Variants in PHACTR4 observed in about 807,000 individuals in gnomAD.
The protein encoded by PHACTR4 is phosphatase and actin regulator 4.
In PHACTR4, 51 loss-of-function variants were observed where a neutral mutation model predicts 72.7. That is an observed-to-expected ratio of 0.70 (90% confidence interval 0.56 to 0.89). The LOEUF (loss-of-function observed/expected upper bound fraction) is 0.89, where lower values mean the gene tolerates loss of function less well. Among genes scored for constraint, PHACTR4 ranks in the 40% least tolerant of loss-of-function variants. The pLI is 0.00. For synonymous variants in PHACTR4, 255 were observed against 302.5 expected (o/e 0.84, Z 1.63); for missense variants, 731 against 861.8 (o/e 0.85, Z 1.90).
intron 13 of PHACTR4, among the ~76,000 whole-genome samples, chr1:28,496,050 CTTTTTTT>C (rs59019895): frequency 5.6e-5 from 5 of 88,764 alleles, no homozygotes; most frequent in Non-Finnish European, 8.6e-5. Context: ...GAGAAGAGTT[CTTTTTTT>C]TTTTTTTTTT....
chr1:28,461,852 T>C (rs966656739), intron 4 of PHACTR4, among the ~76,000 whole-genome samples: 5 of 148,244 alleles, frequency 3.4e-5, no homozygotes, highest in African/African-American at 5.2e-5. Context: ...TTTCTTTCTT[T>C]CTTTTTTTTT....
chr1:28,388,328 A>C (rs1035902255), intron 1 of PHACTR4, among the ~76,000 whole-genome samples: 9 of 152,250 alleles, frequency 5.9e-5, no homozygotes, highest in African/African-American at 2.2e-4. Context: ...AATATGCGAC[A>C]AAACTGAAGT....
intron 2 of PHACTR4, among the ~76,000 whole-genome samples, chr1:28,446,494 G>A (rs1389648081): frequency 6.6e-6 from 1 of 152,092 alleles, no homozygotes; most frequent in African/African-American, 2.4e-5. Context: ...TTAAAAGTGT[G>A]TGGAGGCTGG....
At chr1:28,454,968 T>C (rs1278735423) in intron 2 of PHACTR4, among the ~76,000 whole-genome samples, 6 of 151,988 alleles carry the variant, frequency 3.9e-5, no homozygotes, top group African/African-American at 1.2e-4. Flanking sequence ...CAAGCCATTC[T>C]CCTGCCTCAG....
chr1:28,478,686 C>T (rs1182642887), intron 8 of PHACTR4, among the ~76,000 whole-genome samples: 1 of 152,028 alleles, frequency 6.6e-6, no homozygotes, highest in Non-Finnish European at 1.5e-5. Context: ...GATCTCTTGA[C>T]CTCATGATCC....
At chr1:28,407,944 C>T (rs1222638551) in intron 2 of PHACTR4, among the ~76,000 whole-genome samples, 1 of 151,940 alleles carries the variant, frequency 6.6e-6, no homozygotes, top group Non-Finnish European at 1.5e-5. Context: ...CATGACAAAA[C>T]CCCGTCTCTA....
chr1:28,403,577 G>T (rs547790896), intron 1 of PHACTR4, among the ~76,000 whole-genome samples: 1 of 152,254 alleles, frequency 6.6e-6, no homozygotes, highest in South Asian at 2.1e-4. Flanking sequence ...GTATTTTTGA[G>T]ATATAATTCA....
At chr1:28,401,319 TTG>T (rs1491559328) in intron 1 of PHACTR4, among the ~76,000 whole-genome samples, 7,888 of 140,902 alleles carry the variant, frequency 0.056, 240 homozygotes, top group African/African-American at 0.17. Flanking sequence ...TTTTTTTTTT[TTG>T]GGGGGGATGG....
chr1:28,454,476 C>A (rs1658225274), intron 2 of PHACTR4, among the ~76,000 whole-genome samples: 1 of 151,700 alleles, frequency 6.6e-6, no homozygotes, highest in South Asian at 2.1e-4. Context: ...TGGGGTTTCA[C>A]CATGGTCTCG....
intron 12 of PHACTR4, among the ~76,000 whole-genome samples, chr1:28,492,308 G>A (rs1370245782): frequency 6.6e-6 from 1 of 151,290 alleles, no homozygotes; most frequent in East Asian, 2.0e-4. Flanking sequence ...GTGATGGCAT[G>A]CACCTGTAAT....
intron 1 of PHACTR4, among the ~76,000 whole-genome samples, chr1:28,375,789 G>A (rs920020690): frequency 3.9e-5 from 6 of 152,176 alleles, no homozygotes; most frequent in Admixed American, 2.6e-4. Context: ...TTCACAATCG[G>A]CCAGGCGCGG....
chr1:28,440,999 A>T (rs1304208628), intron 2 of PHACTR4, among the ~76,000 whole-genome samples: 1 of 152,154 alleles, frequency 6.6e-6, no homozygotes, highest in Non-Finnish European at 1.5e-5. Flanking sequence ...ATAGTACTAG[A>T]TTTAGCAAGT....
At chr1:28,450,784 C>T (rs1441487469) in intron 2 of PHACTR4, among the ~76,000 whole-genome samples, 1 of 150,224 alleles carries the variant, frequency 6.7e-6, no homozygotes, top group Non-Finnish European at 1.5e-5. Context: ...CACGCCCAGC[C>T]AATTGTTGTG....
chr1:28,392,876 A>T (rs927781472), intron 1 of PHACTR4, among the ~76,000 whole-genome samples: 6 of 152,204 alleles, frequency 3.9e-5, no homozygotes, highest in African/African-American at 1.4e-4. Flanking sequence ...GTGAAGACGA[A>T]AAAAGAAAAT....
rs184053940 is a variant in PHACTR4, at chr1:28,486,254, G to T, written c.1761-2916G>T. Among the ~76,000 whole-genome samples the T allele has an allele frequency of 1.1e-4, 17 of 152,148 alleles. No individual in the cohort carries two copies. The East Asian group carries it at 3.3e-3, about 30-fold the overall frequency. On this transcript the variant is annotated intron_variant, in intron 9 of 13. Coordinates refer to ENST00000373839, the MANE Select transcript of PHACTR4 (RefSeq NM_001048183.3). The stretch of plus-strand genomic sequence containing the variant: ...GCCTGTAATCCCAGCTACTTGGGAG[G>T]CTGAGGCAGGAGAATCACTTGAACC...
chr1:28,474,088 C>T lies in PHACTR4; in HGVS notation c.1358C>T (p.Ser453Phe), dbSNP rs1659761814. 6.2e-7 allele frequency: 1 copy of T among 1,614,052 alleles called. No homozygotes were observed. Among genetic ancestry groups the T allele is most frequent in the African/African-American group, 1.3e-5 (1 of 74,918 alleles). The change falls in exon 7 of 14, where the codon TCT becomes TTT. Residue 453 changes from serine (S) to phenylalanine (F), a missense_variant. Around this residue, in one of 2 missense-constraint regions of PHACTR4, gnomAD observed 621 missense variants for 676.6 expected, o/e 0.92. Coordinates refer to ENST00000373839, the MANE Select transcript of PHACTR4 (RefSeq NM_001048183.3). ...SLLFENSDSF[S>F]EDSSTLGRTR... ...CTTTTTGAAAACAGTGACAGCTTTTCTGAGGACAGCAGTACGCTGGGTCGG... is the reference window on the plus strand; with the variant it reads ...CTTTTTGAAAACAGTGACAGCTTTTTTGAGGACAGCAGTACGCTGGGTCGG...
At chr1:28,399,505 A>G (rs565874039) in intron 1 of PHACTR4, among the ~76,000 whole-genome samples, 13 of 152,300 alleles carry the variant, frequency 8.5e-5, no homozygotes, top group African/African-American at 3.1e-4. Flanking sequence ...CACATACGTC[A>G]TGGATACTTA....
At chr1:28,473,201 G>A (rs375943820) in intron 6 of PHACTR4, among the ~76,000 whole-genome samples, 3 of 151,248 alleles carry the variant, frequency 2.0e-5, no homozygotes, top group African/African-American at 4.9e-5. Flanking sequence ...GCTTGAGCCC[G>A]GGAGGCAGAG....
chr1:28,398,554 C>A (rs773502056), intron 1 of PHACTR4, among the ~76,000 whole-genome samples: 9 of 151,772 alleles, frequency 5.9e-5, no homozygotes, highest in Non-Finnish European at 1.2e-4. Context: ...CACGGTGGCT[C>A]ATGCCTGTAA....
Sources: gnomAD v4.1 joint callset for allele counts (sites outside exome capture counted in the v4.1 genomes callset) on GRCh38, gnomAD v4.1.1 for gene constraint, gnomAD v4.1.1 regional missense constraint, MANE v1.5 for transcripts, NCBI Gene and HGNC (gene_info 2026-07-23, HGNC 2026-07-21) for gene names.